The following TJP1 variants were observed in gnomAD, a reference collection of about 807,000 sequenced individuals.
The protein encoded by TJP1 is tight junction protein 1.
A neutral mutation model predicts 194.2 loss-of-function variants in TJP1; 43 were observed. The ratio of observed to expected loss-of-function variants is 0.22; its 90% CI spans 0.17 to 0.29. The LOEUF is 0.29. Ranked by LOEUF, TJP1 falls within the 10% of genes least tolerant of loss-of-function variation. The probability of loss-of-function intolerance (pLI) is 1.00; values close to 1 mark genes in which losing one functional copy is unlikely to be tolerated. For missense variants in TJP1, 1,971 were observed against 2,185.7 expected, an observed-to-expected ratio of 0.90 and a Z score of 1.96; for synonymous variants, 801 against 779.0, an observed-to-expected ratio of 1.03 and a Z score of -0.47.
chr15:29,874,283 G>A (rs1207814611), intron 2 of TJP1, among the ~76,000 whole-genome samples: 1 of 152,166 alleles, frequency 6.6e-6, no homozygotes, highest in African/African-American at 2.4e-5. Context: ...GACAGTAAAG[G>A]AGTGTATCAG....
chr15:29,908,301 A>C (rs140273505), intron 2 of TJP1, among the ~76,000 whole-genome samples: 12 of 152,262 alleles, frequency 7.9e-5, no homozygotes, highest in African/African-American at 2.4e-4. Flanking sequence ...AAGAGACAGA[A>C]GACTTGAGAA....
intron 27 of TJP1, among the ~76,000 whole-genome samples, chr15:29,703,729 G>A (rs1019812113): frequency 3.3e-5 from 5 of 151,868 alleles, no homozygotes; most frequent in Middle Eastern, 3.2e-3. Context: ...TGCAATCTCC[G>A]CCTCCCTGGC....
At position 29,708,772 on chromosome 15, in the gene TJP1, G is replaced by T; in HGVS notation, c.4637C>A (p.Pro1546His). Residue 1546 changes from proline (P) to histidine (H), a missense_variant, in exon 25 of 28, where the codon CCT becomes CAT. Physicochemically the swap from Pro to His is moderately conservative, Grantham distance 77 (BLOSUM62 -2). This residue lies in a region of TJP1 where 1,108 missense variants were observed against 1,128.5 expected (regional missense o/e 0.98). Coordinates refer to ENST00000614355, the MANE Select transcript of TJP1 (RefSeq NM_001330239.4). ...TGGCAGAAGATTGTGATTGAATTTA[G>T]GACTTTCAAACTTGCGTTCAAATGG... ...ARPFERKFESPKFNHNLLPSE... is the reference protein window; with the variant it reads ...ARPFERKFESHKFNHNLLPSE... 1 of 1,614,226 alleles carries T rather than the reference G, an allele frequency of 6.2e-7. No homozygotes were observed. The highest frequency in any genetic ancestry group is 8.5e-7 in the Non-Finnish European group (1 of 1,180,048).
intron 2 of TJP1, among the ~76,000 whole-genome samples, chr15:29,842,455 G>A (rs1029466301): frequency 4.6e-5 from 7 of 151,448 alleles, no homozygotes; most frequent in Admixed American, 6.6e-5. Flanking sequence ...ATCCCCCACC[G>A]CAGGTGCACC....
intron 2 of TJP1, among the ~76,000 whole-genome samples, chr15:29,946,762 C>T (rs1310792730): frequency 2.0e-5 from 3 of 152,148 alleles, no homozygotes; most frequent in Non-Finnish European, 2.9e-5. Context: ...CTGAGCTGCA[C>T]CAAACCCTTA....
At chr15:29,773,431 A>T (rs374702876) in intron 2 of TJP1, 74 bp from the exon 3 acceptor site, 23 of 1,422,712 alleles carry the variant, frequency 1.6e-5, no homozygotes, top group Non-Finnish European at 2.1e-5. Context: ...TACAATCTAG[A>T]GAAGCCAAAA....
chr15:29,858,661 A>G (rs2051955963), intron 2 of TJP1, among the ~76,000 whole-genome samples: 1 of 151,558 alleles, frequency 6.6e-6, no homozygotes, highest in African/African-American at 2.4e-5. Flanking sequence ...CTCCCACCTC[A>G]GCCTCCGAGT....
chr15:29,822,452 G>C lies in TJP1; in HGVS notation c.-424C>G, dbSNP rs1466728422. 6 of 986,542 alleles carry C rather than the reference G, an allele frequency of 6.1e-6. No homozygotes were observed. Among genetic ancestry groups the C allele is most frequent in the Non-Finnish European group, 7.2e-6 (6 of 830,920 alleles). 61.1% of individuals were successfully genotyped at this position (986,542 alleles called of 1,614,324 possible). On this transcript the variant is annotated 5_prime_UTR_variant, in exon 1 of 28. Coordinates refer to ENST00000614355, the MANE Select transcript of TJP1 (RefSeq NM_001330239.4). ...GGCGTCCGCTGGCTCAGCCGGCGCC[G>C]GCAACTCAGCGGCCACGCAAACCTG...
At chr15:29,818,826 T>C (rs980004266) in intron 1 of TJP1, among the ~76,000 whole-genome samples, 1 of 151,874 alleles carries the variant, frequency 6.6e-6, no homozygotes, top group Non-Finnish European at 1.5e-5. Flanking sequence ...TTCATTACTT[T>C]TTGTTTTTGA....
chr15:29,760,847 T>A (rs2045956463), intron 8 of TJP1, among the ~76,000 whole-genome samples: 1 of 152,218 alleles, frequency 6.6e-6, no homozygotes. Context: ...AAATAAAGTT[T>A]TATGGGAACA....
chr15:29,878,994 G>A (rs370204913), intron 2 of TJP1, among the ~76,000 whole-genome samples: 32 of 152,050 alleles, frequency 2.1e-4, no homozygotes, highest in South Asian at 8.3e-4. Flanking sequence ...GTTGTGGCAC[G>A]CGCCTGTAGT....
At chr15:29,838,990 A>AC (rs2051129245) in intron 2 of TJP1, among the ~76,000 whole-genome samples, 1 of 103,992 alleles carries the variant, frequency 9.6e-6, no homozygotes, top group Non-Finnish European at 2.0e-5. Context: ...GTAAAAATTC[A>AC]CCTTTTTTTT....
At chr15:29,701,906 A>G (rs554797844) in intron 27 of TJP1, among the ~76,000 whole-genome samples, 8 of 152,326 alleles carry the variant, frequency 5.3e-5, no homozygotes, top group Middle Eastern at 3.4e-3. Flanking sequence ...AATTTTTTTT[A>G]AAACGTTCTT....
At chr15:29,964,094 C>T (rs1461336704) in intron 1 of TJP1, among the ~76,000 whole-genome samples, 2 of 152,176 alleles carry the variant, frequency 1.3e-5, no homozygotes, top group East Asian at 1.9e-4. Flanking sequence ...GCATAAATGT[C>T]ACCTTACTTA....
rs554078154 is a variant in TJP1 at position 29,774,129 on chromosome 15, G to A, written c.85-772C>T. On this transcript the variant is annotated intron_variant, in intron 2 of 27. Transcript: ENST00000614355. Reference sequence around the variant, plus strand: ...AAGAGACAATATACATTTTCTTAAGGCTACAGAATCATTAAGCCAGAAATG... The same window carrying A: ...AAGAGACAATATACATTTTCTTAAGACTACAGAATCATTAAGCCAGAAATG... Among the ~76,000 whole-genome samples the A allele has an allele frequency of 2.9e-4, 44 of 152,138 alleles. No individual in the cohort carries two copies. The South Asian group carries it at 8.3e-3, about 29-fold the overall frequency.
intron 2 of TJP1, among the ~76,000 whole-genome samples, chr15:29,953,139 G>GGTTTTTTTTTTTT (rs1406936700): frequency 1.5e-5 from 1 of 64,734 alleles, no homozygotes. Flanking sequence ...AAAGAAGACA[G>GGTTTTTTTTTTTT]ATTTTTTTTT....
Position 29,762,415 on chromosome 15 carries a change from G to A in TJP1, c.613C>T (p.His205Tyr). The A allele has an allele frequency of 6.2e-7, 1 of 1,613,256 alleles. No individual in the cohort carries two copies. The highest frequency in any genetic ancestry group is 8.5e-7 in the Non-Finnish European group (1 of 1,179,832). ...NEEYGLRLAS[H>Y]IFVKEISQDS... ...TGTGAAATTTCCTTAACAAATATAT[G>A]GCTTGCCAATCGAAGACCATATTCT... The change falls in exon 6 of 28, where the codon CAT becomes TAT. Residue 205 changes from histidine to tyrosine, a missense_variant. By Grantham distance (83) the His-to-Tyr change is moderately conservative. Transcript: ENST00000614355.
In TJP1 at chr15:29,732,511, C is replaced by G; in HGVS notation, c.1939G>C (p.Val647Leu). Residue 647 changes from valine to leucine, a missense_variant, in exon 15 of 28, where the codon GTA becomes CTA. By Grantham distance (32) the Val-to-Leu change is conservative. Around this residue, in one of 5 missense-constraint regions of TJP1, gnomAD observed 402 missense variants for 484.2 expected, o/e 0.83. Transcript: ENST00000614355. ...TCAGCTATTGGTCCAAAAATGGTTA[C>G]AGGCCTCAGAAATCCAGCTGGAGAG... Reference protein sequence around the residue: ...VLREAGFLRPVTIFGPIADVA... With the variant: ...VLREAGFLRPLTIFGPIADVA... The G allele has an allele frequency of 1.2e-6, 2 of 1,614,140 alleles. No homozygotes were observed. The highest frequency in any genetic ancestry group is 1.7e-6 in the Non-Finnish European group (2 of 1,180,020).
At chr15:29,929,657 A>G (rs2054640546) in intron 2 of TJP1, among the ~76,000 whole-genome samples, 1 of 152,202 alleles carries the variant, frequency 6.6e-6, no homozygotes, top group African/African-American at 2.4e-5. Context: ...AGATGGCGCC[A>G]CTGCACTCCA....
Sources: allele counts gnomAD v4.1 joint callset (sites outside exome capture counted in the v4.1 genomes callset), GRCh38; gene constraint gnomAD v4.1.1; regional missense constraint gnomAD v4.1.1; transcripts MANE v1.5; gene names NCBI Gene and HGNC (gene_info 2026-07-23, HGNC 2026-07-21).